The following RCSD1 variants were observed in gnomAD, a reference collection of about 807,000 sequenced individuals.
RCSD1 encodes RCSD domain containing 1.
A neutral mutation model predicts 42.5 loss-of-function variants in RCSD1; 26 were observed. That is an observed-to-expected ratio of 0.61 (90% CI 0.45 to 0.85). RCSD1 has a LOEUF of 0.85. Among genes scored for constraint, RCSD1 ranks in the 40% least tolerant of loss-of-function variants. The pLI, the probability that RCSD1 is intolerant of heterozygous loss-of-function variation, is 0.00. For synonymous variants in RCSD1, 220 were observed against 212.2 expected (o/e 1.04, Z -0.32); for missense variants, 571 against 528.3 (o/e 1.08, Z -0.79).
intron 1 of RCSD1, among the ~76,000 whole-genome samples, chr1:167,668,364 G>T (rs1658713246): frequency 1.3e-5 from 2 of 151,646 alleles, no homozygotes; most frequent in South Asian, 4.2e-4. Context: ...CCTCCAGGAG[G>T]TTTTTGTGTA....
At chr1:167,702,733 C>T (rs1361433240) in intron 6 of RCSD1, among the ~76,000 whole-genome samples, 7 of 152,034 alleles carry the variant, frequency 4.6e-5, no homozygotes, top group Admixed American at 3.9e-4. Flanking sequence ...GACCTGAGAT[C>T]GAGCCACTTC....
At chr1:167,683,815 C>T (rs1353658201) in intron 1 of RCSD1, 85 bp from the exon 2 acceptor site, 13 of 1,259,666 alleles carry the variant, frequency 1.0e-5, no homozygotes, top group East Asian at 4.7e-5. Flanking sequence ...TCACAGCATT[C>T]CTGCTTGCAG....
intron 1 of RCSD1, among the ~76,000 whole-genome samples, chr1:167,675,075 A>G (rs866176389): frequency 6.6e-6 from 1 of 152,076 alleles, no homozygotes; most frequent in South Asian, 2.1e-4. Flanking sequence ...GCCTGGTGGC[A>G]CGTGCCTGTA....
chr1:167,693,267 T>C (rs1403537216), intron 4 of RCSD1, among the ~76,000 whole-genome samples: 1 of 152,138 alleles, frequency 6.6e-6, no homozygotes, highest in Non-Finnish European at 1.5e-5. Context: ...AGAAGCACCC[T>C]AGATGGCCTT....
At position 167,670,037 on chromosome 1, in the gene RCSD1, A is replaced by G. The variant is rs546368061; in HGVS notation, c.7-13863A>G. Among the ~76,000 whole-genome samples the G allele has an allele frequency of 2.6e-5, 4 of 152,302 alleles. No homozygotes were observed. The South Asian group carries it at 8.3e-4, about 32-fold the overall frequency. ...GTCACTTGACTCCTGCCTGGGAGGCAGGAATGGCCCCTAGTGAAGGGTACT... is the reference window on the plus strand; with the variant it reads ...GTCACTTGACTCCTGCCTGGGAGGCGGGAATGGCCCCTAGTGAAGGGTACT... On this transcript the variant is annotated intron_variant, in intron 1 of 6. Transcript: ENST00000367854.
Position 167,690,104 on chromosome 1 carries a change from T to G in RCSD1, c.254T>G (p.Leu85Arg). The G allele has an allele frequency of 6.2e-7, 1 of 1,614,186 alleles. No homozygotes were observed. Residue 85 changes from leucine to arginine, a missense_variant, in exon 4 of 7, where the codon CTG (leucine) becomes CGG (arginine). By Grantham distance (102) the Leu-to-Arg change is moderately radical. Transcript: ENST00000367854. Reference sequence around the variant, plus strand: ...AAATTCAAGGTCAAGAGCTCGCCTCTGATTGAGAAGCTTCAGGTAAGTGCA... The same window carrying G: ...AAATTCAAGGTCAAGAGCTCGCCTCGGATTGAGAAGCTTCAGGTAAGTGCA... The part of the protein sequence containing the change: ...PPKFKVKSSP[L>R]IEKLQANLTF...
chr1:167,654,694 G>A (rs954952646), intron 1 of RCSD1, among the ~76,000 whole-genome samples: 11 of 152,286 alleles, frequency 7.2e-5, no homozygotes, highest in Middle Eastern at 6.8e-3. Context: ...GAAAGGTTAT[G>A]TGGGCAGGAG....
intron 1 of RCSD1, among the ~76,000 whole-genome samples, chr1:167,677,487 A>T (rs1209942361): frequency 1.3e-4 from 20 of 152,234 alleles, no homozygotes; most frequent in Admixed American, 1.3e-3. Flanking sequence ...GCCAAAGATG[A>T]TGTTGAAGCC....
intron 4 of RCSD1, among the ~76,000 whole-genome samples, chr1:167,691,633 C>T (rs1035735823): frequency 1.3e-5 from 2 of 152,234 alleles, no homozygotes; most frequent in African/African-American, 2.4e-5. Context: ...GGTGTCAAGA[C>T]GAATAGCCAC....
chr1:167,639,173 C>T lies in RCSD1; in HGVS notation c.6+8744C>T, dbSNP rs142259661. ...CGGAGGTTGCAGTGAGCAGAGATCACGCCACTGCACTCCAGCCTGGGTGAC... is the reference window on the plus strand; with the variant it reads ...CGGAGGTTGCAGTGAGCAGAGATCATGCCACTGCACTCCAGCCTGGGTGAC... On this transcript the variant is annotated intron_variant, in intron 1 of 6. Transcript: ENST00000367854. 3.5e-3 allele frequency among the ~76,000 whole-genome samples: 535 copies of T among 152,228 alleles called. 4 individuals are homozygous for T. Among genetic ancestry groups the T allele is most frequent in the African/African-American group, 0.012 (510 of 41,528 alleles).
intron 6 of RCSD1, among the ~76,000 whole-genome samples, chr1:167,700,988 A>G (rs1659623598): frequency 6.6e-6 from 1 of 152,180 alleles, no homozygotes; most frequent in African/African-American, 2.4e-5. Context: ...CTCAGGTAGA[A>G]GAAGTCTTCC....
intron 1 of RCSD1, chr1:167,664,493 T>G (rs539668220): frequency 6.6e-6 from 1 of 152,396 alleles, no homozygotes; most frequent in East Asian, 1.9e-4. Flanking sequence ...ATCACCTTTT[T>G]GAGGTAAAAT....
intron 1 of RCSD1, among the ~76,000 whole-genome samples, chr1:167,639,664 T>TGGCA (rs1657956809): frequency 6.6e-6 from 1 of 152,216 alleles, no homozygotes; most frequent in African/African-American, 2.4e-5. Flanking sequence ...AGCTAATTTT[T>TGGCA]GTATTTTTTA....
At chr1:167,631,979 A>G (rs1657712721) in intron 1 of RCSD1, among the ~76,000 whole-genome samples, 1 of 152,254 alleles carries the variant, frequency 6.6e-6, no homozygotes, top group African/African-American at 2.4e-5. Flanking sequence ...CTGGAGTCTA[A>G]TATGGACCCT....
At chr1:167,647,078 C>G (rs1658174589) in intron 1 of RCSD1, among the ~76,000 whole-genome samples, 1 of 145,192 alleles carries the variant, frequency 6.9e-6, no homozygotes, top group Non-Finnish European at 1.5e-5. Flanking sequence ...TGCAGTGAGC[C>G]GAGATCATAC....
intron 1 of RCSD1, among the ~76,000 whole-genome samples, chr1:167,634,666 G>A (rs770363731): frequency 1.3e-5 from 2 of 151,910 alleles, no homozygotes; most frequent in African/African-American, 2.4e-5. Flanking sequence ...TATAATTTTC[G>A]CTGACTAAAT....
intron 1 of RCSD1, among the ~76,000 whole-genome samples, chr1:167,673,621 G>C (rs571257465): frequency 6.6e-6 from 1 of 152,336 alleles, no homozygotes; most frequent in East Asian, 1.9e-4. Context: ...ACTTACTCAA[G>C]GTCACCTATA....
intron 1 of RCSD1, among the ~76,000 whole-genome samples, chr1:167,672,479 A>AC (rs1558084183): frequency 6.6e-6 from 1 of 152,146 alleles, no homozygotes; most frequent in African/African-American, 2.4e-5. Flanking sequence ...TAGGGAAGAA[A>AC]CCATTTTCTT....
At position 167,707,728 on chromosome 1, in the gene RCSD1, A is replaced by G. The variant is rs1659791493; in HGVS notation, c.*3032A>G. On this transcript the variant is annotated 3_prime_UTR_variant, in exon 7 of 7. Transcript: ENST00000367854. ...GTCACTCAGGCTGGAGTGCAGTGGCACAATCACAGTTCACTGCAACCTCTG... is the reference window on the plus strand; with the variant it reads ...GTCACTCAGGCTGGAGTGCAGTGGCGCAATCACAGTTCACTGCAACCTCTG... 6.6e-6 allele frequency among the ~76,000 whole-genome samples: 1 copy of G among 151,994 alleles called. No individual in the cohort carries two copies. Among genetic ancestry groups the G allele is most frequent in the Admixed American group, 6.6e-5 (1 of 15,264 alleles).
Sources: allele counts gnomAD v4.1 joint callset (sites outside exome capture counted in the v4.1 genomes callset), GRCh38; gene constraint gnomAD v4.1.1; transcripts MANE v1.5; gene names NCBI Gene and HGNC (gene_info 2026-07-23, HGNC 2026-07-21).